The following RELN variants were observed in gnomAD, a reference collection of about 807,000 sequenced individuals.
The protein encoded by RELN is reelin.
Under a neutral mutation model 427.6 loss-of-function variants are expected in RELN, and 108 were observed. That is an observed-to-expected ratio of 0.25 (90% CI 0.22 to 0.30). RELN has a LOEUF of 0.30. Among genes scored for constraint, RELN ranks in the 10% least tolerant of loss-of-function variants. The pLI, the probability that RELN is intolerant of heterozygous loss-of-function variation, is 1.00. For missense variants in RELN, 3,715 were observed against 4,302.8 expected (o/e 0.86, Z 3.82); for synonymous variants, 1,524 against 1,513.4 (o/e 1.01, Z -0.16).
chr7:103,797,654 T>C (rs1197970371), intron 3 of RELN, among the ~76,000 whole-genome samples: 4 of 152,152 alleles, frequency 2.6e-5, no homozygotes, highest in Non-Finnish European at 4.4e-5. Flanking sequence ...CTTTTGTAAA[T>C]ACAAAAATTT....
At chr7:103,587,718 G>A (rs1229152896) in intron 28 of RELN, among the ~76,000 whole-genome samples, 1 of 152,106 alleles carries the variant, frequency 6.6e-6, no homozygotes, top group Non-Finnish European at 1.5e-5. Context: ...GGTGGGCAAA[G>A]GCCATGAATA....
At chr7:103,624,829 C>T (rs1393538857) in intron 20 of RELN, among the ~76,000 whole-genome samples, 1 of 151,998 alleles carries the variant, frequency 6.6e-6, no homozygotes, top group Non-Finnish European at 1.5e-5. Flanking sequence ...TAAAAAATGA[C>T]CAACGGATGA....
chr7:103,860,582 C>T (rs1025121854), intron 2 of RELN, among the ~76,000 whole-genome samples: 1 of 152,106 alleles, frequency 6.6e-6, no homozygotes, highest in African/African-American at 2.4e-5. Flanking sequence ...TGTGAAATAG[C>T]AGCAGCAGTA....
At chr7:103,898,397 G>A (rs1795009239) in intron 2 of RELN, among the ~76,000 whole-genome samples, 1 of 151,808 alleles carries the variant, frequency 6.6e-6, no homozygotes, top group Non-Finnish European at 1.5e-5. Flanking sequence ...TCCTATCATA[G>A]TGTTTTGATG....
At chr7:103,816,320 A>G (rs572453060) in intron 3 of RELN, among the ~76,000 whole-genome samples, 2 of 152,216 alleles carry the variant, frequency 1.3e-5, no homozygotes, top group African/African-American at 4.8e-5. Flanking sequence ...CAGAGGCTGC[A>G]GTAAGCCGAG....
intron 48 of RELN, among the ~76,000 whole-genome samples, chr7:103,520,922 T>C (rs928307637): frequency 9.4e-5 from 14 of 149,720 alleles, no homozygotes; most frequent in Non-Finnish European, 1.5e-5. Flanking sequence ...AGGTAGGGCA[T>C]GCTAAGGAAA....
intron 1 of RELN, among the ~76,000 whole-genome samples, chr7:103,980,336 A>G (rs1177894222): frequency 6.6e-6 from 1 of 152,050 alleles, no homozygotes; most frequent in Non-Finnish European, 1.5e-5. Context: ...TACCTGGGAG[A>G]CAATGTCTGG....
chr7:103,765,031 T>G (rs1791394939), intron 4 of RELN, among the ~76,000 whole-genome samples: 1 of 151,678 alleles, frequency 6.6e-6, no homozygotes, highest in Admixed American at 6.6e-5. Flanking sequence ...GTGCTGGCGG[T>G]AGAGGCCAGA....
chr7:103,983,901 C>A (rs866914342), intron 1 of RELN, among the ~76,000 whole-genome samples: 105 of 140,636 alleles, frequency 7.5e-4, no homozygotes, highest in Admixed American at 1.9e-3. Context: ...GTGTGTATGT[C>A]TTTTAAAATG....
chr7:103,908,214 T>A (rs1048726996), intron 2 of RELN, among the ~76,000 whole-genome samples: 4 of 152,046 alleles, frequency 2.6e-5, no homozygotes, highest in African/African-American at 9.7e-5. Context: ...GAAACTTGAG[T>A]GCAGCTCCCC....
intron 1 of RELN, among the ~76,000 whole-genome samples, chr7:103,923,593 C>T (rs1349801763): frequency 6.6e-6 from 1 of 152,066 alleles, no homozygotes; most frequent in Admixed American, 6.6e-5. Context: ...TCAGTTTATT[C>T]CAGGAACAAA....
At chr7:103,521,982 A>G in intron 48 of RELN, 40 bp downstream of exon 48, 1 of 1,604,974 alleles carries the variant, frequency 6.2e-7, no homozygotes, top group Middle Eastern at 1.7e-4. Context: ...GAAGGAACTT[A>G]AGAAGAGCAG....
At chr7:103,495,697 T>C (rs778885266) in intron 57 of RELN, 26 bp downstream of exon 57, 8 of 1,612,092 alleles carry the variant, frequency 5.0e-6, no homozygotes, top group Non-Finnish European at 8.5e-7. Flanking sequence ...TGCTACTTTC[T>C]GTTTTAAAGA....
intron 3 of RELN, among the ~76,000 whole-genome samples, chr7:103,807,970 T>C (rs918492229): frequency 7.2e-5 from 11 of 152,126 alleles, no homozygotes; most frequent in Non-Finnish European, 1.6e-4. Flanking sequence ...GAGGATGGGA[T>C]ACTCTTCTGA....
chr7:103,907,146 G>A (rs898786899), intron 2 of RELN, among the ~76,000 whole-genome samples: 5 of 149,408 alleles, frequency 3.3e-5, no homozygotes, highest in South Asian at 2.1e-4. Flanking sequence ...AGCCAGGCGC[G>A]GTGGCTCATG....
chr7:103,480,149 T>C (rs1160096440), intron 63 of RELN, among the ~76,000 whole-genome samples: 1 of 152,168 alleles, frequency 6.6e-6, no homozygotes, highest in East Asian at 1.9e-4. Flanking sequence ...CTAGTTCAAA[T>C]AATCAAGTGT....
At chr7:103,597,631 G>T (rs1481240111) in intron 24 of RELN, among the ~76,000 whole-genome samples, 1 of 151,964 alleles carries the variant, frequency 6.6e-6, no homozygotes, top group African/African-American at 2.4e-5. Context: ...TACTTGAATC[G>T]AATCTCTCAG....
chr7:103,729,051 A>G lies in RELN; in HGVS notation c.657-844T>C, dbSNP rs78981737. On this transcript the variant is annotated intron_variant, in intron 6 of 64. Transcript: ENST00000428762. Reference sequence around the variant, plus strand: ...ATGTGTATTCTGGACTTGACCTTGTATATTTACGGTAACATTTACAATTTT... The same window carrying G: ...ATGTGTATTCTGGACTTGACCTTGTGTATTTACGGTAACATTTACAATTTT... Among the ~76,000 whole-genome samples the G allele has an allele frequency of 9.7e-3, 1,479 of 152,274 alleles. 29 individuals carry two copies. Among genetic ancestry groups the G allele is most frequent in the African/African-American group, 0.032 (1,349 of 41,556 alleles).
In RELN at chr7:103,745,462, G is replaced by A. The variant is rs553023661; in HGVS notation, c.656+3964C>T. Among the ~76,000 whole-genome samples, 4 of 147,074 alleles carry A rather than the reference G, an allele frequency of 2.7e-5. No individual in the cohort carries two copies. In the South Asian group the frequency reaches 8.4e-4, roughly 31 times the overall value. ...AATAAAGGGTATTCAATTAGGAAAA[G>A]AGGAAGTCAAATTGTCCCTGTTTGC... On this transcript the variant is annotated intron_variant, in intron 6 of 64. Coordinates refer to ENST00000428762, the MANE Select transcript of RELN (RefSeq NM_005045.4).
Sources: allele counts gnomAD v4.1 joint callset (sites outside exome capture counted in the v4.1 genomes callset), GRCh38; gene constraint gnomAD v4.1.1; transcripts MANE v1.5; gene names NCBI Gene and HGNC (gene_info 2026-07-23, HGNC 2026-07-21).